The following GLIS3 variants were observed in gnomAD, a reference collection of about 807,000 sequenced individuals.
GLIS3 encodes GLIS family zinc finger 3.
GLIS3 carries 53 observed loss-of-function variants against 78.6 expected under a neutral mutation model. The ratio of observed to expected loss-of-function variants is 0.67; its 90% CI spans 0.54 to 0.85. GLIS3 has a LOEUF of 0.85. Among genes scored for constraint, GLIS3 ranks in the 40% least tolerant of loss-of-function variants. The probability of loss-of-function intolerance (pLI) is 0.00; values close to 1 mark genes in which losing one functional copy is unlikely to be tolerated. For synonymous variants in GLIS3, 684 were observed against 509.9 expected, an observed-to-expected ratio of 1.34 and a Z score of -4.60; for missense variants, 1,703 against 1,231.1, an observed-to-expected ratio of 1.38 and a Z score of -5.74.
intron 4 of GLIS3, among the ~76,000 whole-genome samples, chr9:3,937,527 C>G (rs924561584): frequency 6.6e-6 from 1 of 152,046 alleles, no homozygotes; most frequent in African/African-American, 2.4e-5. Context: ...AATTAACACA[C>G]TTTTCCATTT....
At chr9:4,421,011 C>T in the GLIS3 span, among the ~76,000 whole-genome samples, 3 of 152,168 alleles carry the variant, frequency 2.0e-5, no homozygotes, top group Non-Finnish European at 4.4e-5. Context: ...CAAAGTTGCA[C>T]GTTCGCTTCT....
intron 4 of GLIS3, among the ~76,000 whole-genome samples, chr9:4,087,518 G>A (rs1293482092): frequency 6.6e-6 from 1 of 152,116 alleles, no homozygotes; most frequent in Non-Finnish European, 1.5e-5. Context: ...ACCCCAACTA[G>A]AGTCTTTAGT....
chr9:4,335,466 T>TGCTCTAATC (rs1350152837), intron 2 of GLIS3, among the ~76,000 whole-genome samples: 3 of 152,220 alleles, frequency 2.0e-5, no homozygotes, highest in Non-Finnish European at 4.4e-5. Flanking sequence ...AAAGGGCTTC[T>TGCTCTAATC]GCTCTAATCA....
intron 4 of GLIS3, 106 bp downstream of exon 4, chr9:4,117,662 G>T: frequency 8.0e-7 from 1 of 1,251,992 alleles, no homozygotes; most frequent in Non-Finnish European, 1.2e-6. Flanking sequence ...TGGATACCTA[G>T]ACCCCCACGC....
intron 2 of GLIS3, among the ~76,000 whole-genome samples, chr9:4,233,041 A>C (rs1028922144): frequency 3.3e-5 from 5 of 152,200 alleles, no homozygotes; most frequent in Non-Finnish European, 5.9e-5. Flanking sequence ...AGCAATGCTT[A>C]TATTAATAAG....
At chr9:4,479,625 G>T in the GLIS3 span, among the ~76,000 whole-genome samples, 1 of 152,088 alleles carries the variant, frequency 6.6e-6, no homozygotes, top group African/African-American at 2.4e-5. Flanking sequence ...AGTTACCAAG[G>T]GTGGTTAGGA....
chr9:3,916,122 A>AT (rs768500145), intron 6 of GLIS3, among the ~76,000 whole-genome samples: 24 of 152,256 alleles, frequency 1.6e-4, no homozygotes, highest in Non-Finnish European at 2.6e-4. Context: ...TTTACTGTCC[A>AT]TAGAAACTAA....
intron 6 of GLIS3, among the ~76,000 whole-genome samples, chr9:3,918,294 T>C (rs568804672): frequency 6.6e-6 from 1 of 152,342 alleles, no homozygotes; most frequent in African/African-American, 2.4e-5. Flanking sequence ...AACTCCACCT[T>C]GAGAGGCAAT....
chr9:4,232,462 C>G (rs1241522656), intron 2 of GLIS3, among the ~76,000 whole-genome samples: 1 of 151,336 alleles, frequency 6.6e-6, no homozygotes, highest in African/African-American at 2.4e-5. Context: ...TAGCACAACA[C>G]TTCAAGTTCC....
At chr9:4,305,705 C>G (rs1817210262) in intron 4 of GLIS3, 2 of 152,166 alleles carry the variant, frequency 1.3e-5, no homozygotes, top group Non-Finnish European at 1.5e-5. Flanking sequence ...AAGGTAGCTT[C>G]TCTTCTTTCT....
the GLIS3 span, among the ~76,000 whole-genome samples, chr9:4,488,464 G>A: frequency 1.3e-5 from 2 of 151,574 alleles, no homozygotes; most frequent in African/African-American, 2.4e-5. Flanking sequence ...GGACATTTGC[G>A]TTTTTTCCAG....
chr9:4,003,104 G>A (rs1249271164), intron 4 of GLIS3, among the ~76,000 whole-genome samples: 2 of 152,180 alleles, frequency 1.3e-5, no homozygotes, highest in African/African-American at 4.8e-5. Context: ...TATAGGCTGA[G>A]CACAGTGGCT....
chr9:4,107,824 T>C (rs552715691), intron 4 of GLIS3, among the ~76,000 whole-genome samples: 2 of 152,138 alleles, frequency 1.3e-5, no homozygotes, highest in East Asian at 1.9e-4. Flanking sequence ...TTCTTTCCTA[T>C]GAATTCACTC....
intron 4 of GLIS3, among the ~76,000 whole-genome samples, chr9:3,980,831 C>CT (rs535992306): frequency 1.3e-5 from 2 of 151,648 alleles, no homozygotes; most frequent in Admixed American, 6.6e-5. Flanking sequence ...TCTTCTTCTT[C>CT]TTTTTTTCTG....
intron 2 of GLIS3, among the ~76,000 whole-genome samples, chr9:4,314,288 T>C (rs35929222): frequency 0.13 from 20,471 of 152,224 alleles, 2,310 homozygotes; most frequent in African/African-American, 0.31. Flanking sequence ...CAAGAACCCT[T>C]GACTTCCAGT....
At chr9:3,879,360 A>G in intron 8 of GLIS3, 67 bp downstream of exon 8, 1 of 1,474,118 alleles carries the variant, frequency 6.8e-7, no homozygotes, top group Non-Finnish European at 9.5e-7. Context: ...GCAACTGTCA[A>G]GGCACTTGTC....
intron 9 of GLIS3, among the ~76,000 whole-genome samples, chr9:3,841,645 AT>A (rs1818720873): frequency 2.0e-5 from 3 of 152,212 alleles, no homozygotes; most frequent in Admixed American, 6.5e-5. Context: ...GGATTTGGAT[AT>A]TCTGTATCTG....
upstream of GLIS3, among the ~76,000 whole-genome samples, chr9:4,303,268 G>GACACACACAC (rs5896061): frequency 2.8e-5 from 4 of 144,984 alleles, 1 homozygote; most frequent in African/African-American, 8.3e-5. Context: ...TTAAAACACA[G>GACACACACAC]ACACACACAC....
the GLIS3 span, among the ~76,000 whole-genome samples, chr9:4,358,320 A>T: frequency 8.2e-6 from 1 of 121,996 alleles, no homozygotes; most frequent in Non-Finnish European, 1.9e-5. Flanking sequence ...TCACTTTTGT[A>T]ATTTACAAAA....
Sources: gnomAD v4.1 joint callset for allele counts (sites outside exome capture counted in the v4.1 genomes callset) on GRCh38, gnomAD v4.1.1 for gene constraint, MANE v1.5 for transcripts, NCBI Gene and HGNC (gene_info 2026-07-23, HGNC 2026-07-21) for gene names.